The following RETREG1 variants were observed in gnomAD, a reference collection of about 807,000 sequenced individuals.
RETREG1 encodes family with sequence similarity 134 member B.
A neutral mutation model predicts 54.8 loss-of-function variants in RETREG1; 44 were observed. The ratio of observed to expected loss-of-function variants is 0.80; its 90% CI spans 0.63 to 1.03. The LOEUF (loss-of-function observed/expected upper bound fraction) is 1.03, where lower values mean the gene tolerates loss of function less well. Ranked by LOEUF, RETREG1 falls within the 50% of genes least tolerant of loss-of-function variation. The probability of loss-of-function intolerance (pLI) is 0.00; values close to 1 mark genes in which losing one functional copy is unlikely to be tolerated. For missense variants in RETREG1, 554 were observed against 605.1 expected (o/e 0.92, Z 0.89); for synonymous variants, 217 against 238.5 (o/e 0.91, Z 0.83).
At chr5:16,527,026 G>C (rs1378895402) in intron 3 of RETREG1, among the ~76,000 whole-genome samples, 1 of 152,258 alleles carries the variant, frequency 6.6e-6, no homozygotes, top group Non-Finnish European at 1.5e-5. Context: ...AACTCTGCAA[G>C]GTGTGGGCTG....
rs1017645873 is a variant in RETREG1 at position 16,593,864 on chromosome 5, A to C, written c.321-21762T>G. Among the ~76,000 whole-genome samples, 1 of 152,224 alleles carries C rather than the reference A, an allele frequency of 6.6e-6. No individual in the cohort carries two copies. The highest frequency in any genetic ancestry group is 2.4e-5 in the African/African-American group (1 of 41,450). ...GAGCTGCAGCAGATGCACCTCCGTC[A>C]AATCTAAGCAGCCATGTTTACTGTG... is the stretch of plus-strand genomic sequence containing the variant. On this transcript the variant is annotated intron_variant, in intron 1 of 8. Transcript: ENST00000306320. This position sits in a 1 kb window ranked among gnomAD's most constrained non-coding sequence, Gnocchi z 4.9.
rs771668472 is a variant in RETREG1 at position 16,574,271 on chromosome 5, AG to A, written c.321-2170del. 4.6e-5 allele frequency among the ~76,000 whole-genome samples: 7 copies of A among 152,224 alleles called. No individual in the cohort carries two copies. In the South Asian group the frequency reaches 8.3e-4, roughly 18 times the overall value. Reference sequence around the variant, plus strand: ...GGCAGAGAGACAAGATTGGGGAGATAGGATCAGGGAAGACTGTGTCAAGCAG... The same window carrying A: ...GGCAGAGAGACAAGATTGGGGAGATAGATCAGGGAAGACTGTGTCAAGCAG... On this transcript the variant is annotated intron_variant, in intron 1 of 8. Coordinates refer to ENST00000306320, the MANE Select transcript of RETREG1 (RefSeq NM_001034850.3).
At chr5:16,510,824 A>C (rs981281288) in intron 3 of RETREG1, among the ~76,000 whole-genome samples, 74 of 150,174 alleles carry the variant, frequency 4.9e-4, no homozygotes, top group Middle Eastern at 6.9e-3. Context: ...ACAACAAAAA[A>C]AAAAAAAAAA....
intron 3 of RETREG1, among the ~76,000 whole-genome samples, chr5:16,527,674 T>C (rs1485356728): frequency 6.6e-6 from 1 of 152,268 alleles, no homozygotes; most frequent in Non-Finnish European, 1.5e-5. Context: ...TTGAAAAGGC[T>C]AAGTGTCATT....
At chr5:16,534,199 C>A (rs1346844164) in intron 3 of RETREG1, among the ~76,000 whole-genome samples, 1 of 152,170 alleles carries the variant, frequency 6.6e-6, no homozygotes, top group Non-Finnish European at 1.5e-5. Flanking sequence ...CCTGTAATCC[C>A]AGCATTTTGG....
At position 16,474,477 on chromosome 5, in the gene RETREG1, C is replaced by A; in HGVS notation, c.*264G>T. ...TTTTTCTTTTTGCTTTAAAAACAAC[C>A]CCTAATATTTATCTCTGACAACACA... On this transcript the variant is annotated 3_prime_UTR_variant, in exon 9 of 9. Transcript: ENST00000306320. 2.5e-6 allele frequency: 1 copy of A among 394,692 alleles called. No homozygotes were observed. Among genetic ancestry groups the A allele is most frequent in the South Asian group, 4.0e-5 (1 of 24,978 alleles). 24.4% of individuals were successfully genotyped at this position (394,692 alleles called of 1,614,324 possible). A position where few individuals can be genotyped will look rare whatever the true frequency, so the allele number is the denominator to read the frequency against.
In RETREG1 at chr5:16,474,770, A is replaced by C; in HGVS notation, c.1465T>G (p.Phe489Val). 1 of 1,613,282 alleles carries C rather than the reference A, an allele frequency of 6.2e-7. No individual in the cohort carries two copies. Among genetic ancestry groups the C allele is most frequent in the Non-Finnish European group, 8.5e-7 (1 of 1,179,892 alleles). ...TGGCCTCCCAGCAGATTTGAAAGGA[A>C]ACCTGAAGACTTCTTATTTTGCTGT... ...EAQQNKKSSG[F>V]LSNLLGGH Residue 489 changes from phenylalanine to valine, a missense_variant, in exon 9 of 9, where the codon TTC becomes GTC. By Grantham distance (50) the Phe-to-Val change is conservative. Coordinates refer to ENST00000306320, the MANE Select transcript of RETREG1 (RefSeq NM_001034850.3).
In RETREG1 at chr5:16,583,255, C is replaced by T. The variant is rs574279580; in HGVS notation, c.321-11153G>A. The stretch of plus-strand genomic sequence containing the variant: ...CAGCACTTTGGGAGGCTGAGGCAGG[C>T]GGATCACTTGAGCCCAGGAGTTCAA... On this transcript the variant is annotated intron_variant, in intron 1 of 8. Coordinates refer to ENST00000306320, the MANE Select transcript of RETREG1 (RefSeq NM_001034850.3). 8.6e-5 allele frequency among the ~76,000 whole-genome samples: 13 copies of T among 151,926 alleles called. No individual in the cohort carries two copies. The South Asian group carries it at 1.9e-3, about 22-fold the overall frequency.
chr5:16,480,803 T>C (rs1738736654), intron 5 of RETREG1, among the ~76,000 whole-genome samples: 1 of 152,132 alleles, frequency 6.6e-6, no homozygotes. Context: ...CACTTATAAT[T>C]CTGCCTTTTG....
intron 1 of RETREG1, among the ~76,000 whole-genome samples, chr5:16,607,964 C>G (rs1230662325): frequency 6.6e-6 from 1 of 152,022 alleles, no homozygotes; most frequent in African/African-American, 2.4e-5. Flanking sequence ...ACTGCAACCT[C>G]TACCTCCCGA....
chr5:16,557,125 C>T (rs1051126313), intron 3 of RETREG1, among the ~76,000 whole-genome samples: 6 of 152,152 alleles, frequency 3.9e-5, no homozygotes, highest in Middle Eastern at 3.2e-3. Context: ...CCACTGCACC[C>T]GGCCATCATT....
intron 3 of RETREG1, among the ~76,000 whole-genome samples, chr5:16,497,992 T>C (rs960117472): frequency 1.3e-5 from 2 of 152,242 alleles, no homozygotes; most frequent in Non-Finnish European, 2.9e-5. Flanking sequence ...AAATCTCTTC[T>C]TGTTTCAGCA....
chr5:16,587,821 T>C (rs1397865220), intron 1 of RETREG1, among the ~76,000 whole-genome samples: 1 of 152,144 alleles, frequency 6.6e-6, no homozygotes, highest in Non-Finnish European at 1.5e-5. Context: ...TTCTGCCTGG[T>C]TCTCCCGCAG....
chr5:16,518,652 C>G (rs1269227929), intron 3 of RETREG1, among the ~76,000 whole-genome samples: 1 of 151,994 alleles, frequency 6.6e-6, no homozygotes, highest in African/African-American at 2.4e-5. Flanking sequence ...AAAGAAATAC[C>G]CACTCACTTG....
intron 1 of RETREG1, among the ~76,000 whole-genome samples, chr5:16,598,840 G>A (rs539399330): frequency 6.6e-6 from 1 of 152,268 alleles, no homozygotes; most frequent in South Asian, 2.1e-4. Flanking sequence ...ACGATTTAGA[G>A]TTTGATACTG....
At chr5:16,600,326 G>A (rs756987264) in intron 1 of RETREG1, among the ~76,000 whole-genome samples, 1 of 152,180 alleles carries the variant, frequency 6.6e-6, no homozygotes, top group Non-Finnish European at 1.5e-5. Context: ...TGAACAGTTA[G>A]AACTTCAGAT....
At chr5:16,591,581 T>C (rs1742776181) in intron 1 of RETREG1, among the ~76,000 whole-genome samples, 1 of 152,182 alleles carries the variant, frequency 6.6e-6, no homozygotes, top group South Asian at 2.1e-4. Context: ...TTCACATGGC[T>C]TTGCTAGAAA....
chr5:16,535,455 C>T (rs368781371), intron 3 of RETREG1, among the ~76,000 whole-genome samples: 9 of 151,254 alleles, frequency 6.0e-5, no homozygotes, highest in East Asian at 1.9e-4. Flanking sequence ...TCCATGCGTG[C>T]GCCTTTGCAG....
At chr5:16,518,088 T>A (rs1387464581) in intron 3 of RETREG1, among the ~76,000 whole-genome samples, 1 of 148,474 alleles carries the variant, frequency 6.7e-6, no homozygotes, top group East Asian at 1.9e-4. Flanking sequence ...CTACATACTA[T>A]GTATATTTAT....
Sources: gnomAD v4.1 joint callset for allele counts (sites outside exome capture counted in the v4.1 genomes callset) on GRCh38, gnomAD v4.1.1 for gene constraint, Gnocchi (gnomAD v3.1) non-coding constraint, MANE v1.5 for transcripts, NCBI Gene and HGNC (gene_info 2026-07-23, HGNC 2026-07-21) for gene names.